The following MAPK14 variants were observed in gnomAD, a reference collection of about 807,000 sequenced individuals.
MAPK14 encodes the protein CSAID-binding protein.
A neutral mutation model predicts 49.6 loss-of-function variants in MAPK14; 16 were observed. The ratio of observed to expected loss-of-function variants is 0.32; its 90% CI spans 0.22 to 0.49. The LOEUF is 0.49. Ranked by LOEUF, MAPK14 falls within the 20% of genes least tolerant of loss-of-function variation. MAPK14 has a pLI of 0.99. For synonymous variants in MAPK14, 142 were observed against 158.0 expected, an observed-to-expected ratio of 0.90 and a Z score of 0.76; for missense variants, 200 against 441.2, an observed-to-expected ratio of 0.45 and a Z score of 4.90.
At chr6:36,037,925 T>G (rs1385395251) in intron 1 of MAPK14, among the ~76,000 whole-genome samples, 1 of 152,012 alleles carries the variant, frequency 6.6e-6, no homozygotes, top group Admixed American at 6.6e-5. Flanking sequence ...AGAGGATTGC[T>G]TGAGCCTGGG....
At chr6:36,081,985 T>C (rs1042133558) in intron 8 of MAPK14, among the ~76,000 whole-genome samples, 1 of 152,218 alleles carries the variant, frequency 6.6e-6, no homozygotes, top group Non-Finnish European at 1.5e-5. Context: ...ATGTATTTTA[T>C]TATTTTTGCT....
In MAPK14 at chr6:36,102,639, C is replaced by T; in HGVS notation, c.831C>T (p.Ala277=). The part of the protein sequence containing the change: ...KMNFANVFIG[A]NPLAVDLLEK... ...ACTTTGCGAATGTATTTATTGGTGCCAATCCCCTGGGTAAGTTGACCATAT... is the reference window on the plus strand; with the variant it reads ...ACTTTGCGAATGTATTTATTGGTGCTAATCCCCTGGGTAAGTTGACCATAT... Residue 277 remains alanine (A), a synonymous_variant, in exon 10 of 12, where the codon GCC becomes GCT. Transcript: ENST00000229794. 1 of 1,613,732 alleles carries T rather than the reference C, an allele frequency of 6.2e-7. No homozygotes were observed. Among genetic ancestry groups the T allele is most frequent in the Admixed American group, 1.7e-5 (1 of 60,016 alleles).
intron 9 of MAPK14, chr6:36,096,302 G>T: frequency 2.4e-6 from 1 of 420,832 alleles, no homozygotes; most frequent in Non-Finnish European, 4.3e-6. Flanking sequence ...GATCACGGGA[G>T]CCTCCATTAG....
At position 36,046,891 on chromosome 6, in the gene MAPK14, C is replaced by T. The variant is rs181949470; in HGVS notation, c.117-5808C>T. On this transcript the variant is annotated intron_variant, in intron 1 of 11. Coordinates refer to ENST00000229794, the MANE Select transcript of MAPK14 (RefSeq NM_139012.3). ...TTAATCAGTCAGATCAGCTAGAAAACTGCTGCTGTTCCTTGCTCCCCAGCA... is the reference window on the plus strand; with the variant it reads ...TTAATCAGTCAGATCAGCTAGAAAATTGCTGCTGTTCCTTGCTCCCCAGCA... 2.0e-3 allele frequency among the ~76,000 whole-genome samples: 298 copies of T among 152,340 alleles called. 1 individual carries two copies. The highest frequency in any genetic ancestry group is 3.9e-3 in the Admixed American group (59 of 15,302).
intron 9 of MAPK14, among the ~76,000 whole-genome samples, chr6:36,101,489 A>ATTT (rs556407958): frequency 6.8e-6 from 1 of 146,264 alleles, no homozygotes; most frequent in Admixed American, 6.8e-5. Context: ...AAGCAACCAG[A>ATTT]TTTTTTTTTT....
At chr6:36,119,992 G>A in the MAPK14 span, among the ~76,000 whole-genome samples, 1 of 152,212 alleles carries the variant, frequency 6.6e-6, no homozygotes, top group African/African-American at 2.4e-5. Flanking sequence ...TCTAGGGAGG[G>A]AGAGAGGGCA....
chr6:36,072,199 G>C (rs371935222), intron 3 of MAPK14, among the ~76,000 whole-genome samples: 2 of 152,050 alleles, frequency 1.3e-5, no homozygotes, highest in African/African-American at 2.4e-5. Flanking sequence ...TTAGCTGTGC[G>C]TGGTGGTGCA....
Position 36,073,673 on chromosome 6 carries a change from C to G in MAPK14, c.418-18C>G, listed in dbSNP as rs1764401915. ...AATAGAAGGTTGGAGGTAACTTTGA[C>G]TTTTTTCTCTTTTGCAGTATATACA... On this transcript the variant is annotated intron_variant, in intron 4 of 11. Coordinates refer to ENST00000229794, the MANE Select transcript of MAPK14 (RefSeq NM_139012.3). 2 of 1,607,812 alleles carry G rather than the reference C, an allele frequency of 1.2e-6. No individual in the cohort carries two copies. Among genetic ancestry groups the G allele is most frequent in the East Asian group, 4.5e-5 (2 of 44,718 alleles).
At chr6:36,029,789 A>G (rs1002043247) in intron 1 of MAPK14, among the ~76,000 whole-genome samples, 2 of 152,090 alleles carry the variant, frequency 1.3e-5, no homozygotes, top group Admixed American at 6.6e-5. Context: ...TCCCATTTTT[A>G]CAGCATGGCA....
chr6:36,071,627 A>G (rs1395803583), intron 3 of MAPK14, among the ~76,000 whole-genome samples: 1 of 152,214 alleles, frequency 6.6e-6, no homozygotes, highest in Non-Finnish European at 1.5e-5. Context: ...TCCTTTCACT[A>G]GTCATTCCTG....
At chr6:36,047,610 C>A (rs1166875632) in intron 1 of MAPK14, among the ~76,000 whole-genome samples, 1 of 152,202 alleles carries the variant, frequency 6.6e-6, no homozygotes, top group African/African-American at 2.4e-5. Context: ...ATCTTCCAGG[C>A]TAGAGTGCAG....
At chr6:36,072,057 C>T (rs1010956313) in intron 3 of MAPK14, among the ~76,000 whole-genome samples, 3 of 152,016 alleles carry the variant, frequency 2.0e-5, no homozygotes, top group African/African-American at 7.3e-5. Flanking sequence ...ATGTTTAGAA[C>T]AGATGGCAGG....
the MAPK14 span, among the ~76,000 whole-genome samples, chr6:36,120,824 CAA>C: frequency 6.6e-6 from 1 of 152,158 alleles, no homozygotes; most frequent in African/African-American, 2.4e-5. Context: ...CGTGTATTCT[CAA>C]TGTCTTGAGA....
At chr6:36,048,322 C>A (rs1353989281) in intron 1 of MAPK14, among the ~76,000 whole-genome samples, 1 of 152,172 alleles carries the variant, frequency 6.6e-6, no homozygotes, top group Non-Finnish European at 1.5e-5. Flanking sequence ...GGATTACAGG[C>A]GTGAGCCACT....
intron 9 of MAPK14, chr6:36,097,548 T>A (rs966210921): frequency 5.9e-5 from 9 of 152,134 alleles, no homozygotes. Context: ...AGGGAGGAGC[T>A]CAATTAATAA....
chr6:36,032,943 AC>A (rs1348216781), intron 1 of MAPK14, among the ~76,000 whole-genome samples: 1 of 151,992 alleles, frequency 6.6e-6, no homozygotes, highest in Non-Finnish European at 1.5e-5. Flanking sequence ...AGTGAAGCTA[AC>A]TTTTTTTAAC....
chr6:36,058,573 G>C (rs1763673491), intron 2 of MAPK14, among the ~76,000 whole-genome samples: 1 of 152,162 alleles, frequency 6.6e-6, no homozygotes, highest in South Asian at 2.1e-4. Context: ...ATGGAACTGA[G>C]GTAGCTGGTT....
At chr6:36,047,945 T>C (rs2127411711) in intron 1 of MAPK14, among the ~76,000 whole-genome samples, 1 of 152,216 alleles carries the variant, frequency 6.6e-6, no homozygotes, top group Non-Finnish European at 1.5e-5. Context: ...GGTTTCACCA[T>C]GTTGGCCAGG....
intron 3 of MAPK14, among the ~76,000 whole-genome samples, chr6:36,067,087 A>T (rs1412248048): frequency 6.6e-6 from 1 of 152,004 alleles, no homozygotes; most frequent in Non-Finnish European, 1.5e-5. Flanking sequence ...GGGTGGCGAA[A>T]CTCCTTGTAG....
Sources: allele counts gnomAD v4.1 joint callset (sites outside exome capture counted in the v4.1 genomes callset), GRCh38; gene constraint gnomAD v4.1.1; transcripts MANE v1.5; gene names NCBI Gene and HGNC (gene_info 2026-07-23, HGNC 2026-07-21).